GRIA1: variants seen among roughly 807,000 people sequenced by gnomAD.
GRIA1 encodes glutamate ionotropic receptor AMPA type subunit 1, also known as glutamate receptor 1.
GRIA1 carries 31 observed loss-of-function variants against 99.2 expected under a neutral mutation model. The ratio of observed to expected loss-of-function variants is 0.31; its 90% CI spans 0.23 to 0.42. The LOEUF (loss-of-function observed/expected upper bound fraction) is 0.42, where lower values mean the gene tolerates loss of function less well. GRIA1 is among the 10% of genes least tolerant of loss of function. The probability of loss-of-function intolerance (pLI) is 1.00; values close to 1 mark genes in which losing one functional copy is unlikely to be tolerated. For missense variants in GRIA1, 782 were observed against 1,157.5 expected (o/e 0.68, Z 4.71); for synonymous variants, 438 against 432.4 (o/e 1.01, Z -0.16).
intron 13 of GRIA1, among the ~76,000 whole-genome samples, chr5:153,782,411 G>A (rs781457326): frequency 1.1e-4 from 16 of 152,162 alleles, no homozygotes; most frequent in Non-Finnish European, 2.1e-4. Context: ...TTATCTAGAC[G>A]GGACAGTCTC....
chr5:153,753,880 A>T (rs13167714), intron 11 of GRIA1, among the ~76,000 whole-genome samples: 13,069 of 152,244 alleles, frequency 0.086, 777 homozygotes, highest in Non-Finnish European at 0.12. Flanking sequence ...GATAATCATC[A>T]TCATAAAAAG....
chr5:153,767,530 A>T (rs1209968217), intron 12 of GRIA1, among the ~76,000 whole-genome samples: 1 of 152,186 alleles, frequency 6.6e-6, no homozygotes, highest in African/African-American at 2.4e-5. Flanking sequence ...GATATGTCCC[A>T]TGCATAAGCC....
At chr5:153,640,236 A>C (rs1191314829) in intron 2 of GRIA1, among the ~76,000 whole-genome samples, 4 of 152,198 alleles carry the variant, frequency 2.6e-5, no homozygotes, top group Non-Finnish European at 5.9e-5. Context: ...CATGCTTAAT[A>C]ATAAATACAC....
In GRIA1 at chr5:153,689,566, T is replaced by G. The variant is rs191805623; in HGVS notation, c.1134+3237T>G. On this transcript the variant is annotated intron_variant, in intron 8 of 15. Transcript: ENST00000285900. ...GTCACTGGGTATATTGGGGTTATAC[T>G]GAAGGTGCAACAAGTAAGAATAGAA... Among the ~76,000 whole-genome samples, 4 of 152,312 alleles carry G rather than the reference T, an allele frequency of 2.6e-5. No individual in the cohort carries two copies. In the East Asian group the frequency reaches 7.7e-4, roughly 29 times the overall value.
At chr5:153,603,685 G>A (rs1298008003) in intron 2 of GRIA1, among the ~76,000 whole-genome samples, 1 of 152,134 alleles carries the variant, frequency 6.6e-6, no homozygotes, top group Non-Finnish European at 1.5e-5. Context: ...CTTATATTAG[G>A]AGTAGTGGCC....
chr5:153,693,095 TGGCTGAG>T (rs1317493385), intron 8 of GRIA1, among the ~76,000 whole-genome samples: 1 of 152,186 alleles, frequency 6.6e-6, no homozygotes. Flanking sequence ...ACCACTTTTT[TGGCTGAG>T]GGTTCTGGCT....
chr5:153,635,727 C>G (rs1441103365), intron 2 of GRIA1, among the ~76,000 whole-genome samples: 1 of 152,224 alleles, frequency 6.6e-6, no homozygotes, highest in Non-Finnish European at 1.5e-5. Context: ...TGAGTCCCCA[C>G]ACGTGGTAGA....
At chr5:153,746,250 G>C (rs759549677) in intron 11 of GRIA1, among the ~76,000 whole-genome samples, 13 of 152,126 alleles carry the variant, frequency 8.5e-5, no homozygotes, top group Non-Finnish European at 1.5e-4. Context: ...TCCGACTGCT[G>C]TTCTGCTAGC....
chr5:153,716,552 C>T (rs539689619), intron 11 of GRIA1, among the ~76,000 whole-genome samples: 9 of 152,156 alleles, frequency 5.9e-5, no homozygotes, highest in East Asian at 1.9e-4. Flanking sequence ...GGAGCAGAGG[C>T]GAGCACCCAG....
At chr5:153,668,774 C>T (rs182134159) in intron 5 of GRIA1, among the ~76,000 whole-genome samples, 29 of 152,294 alleles carry the variant, frequency 1.9e-4, no homozygotes, top group Middle Eastern at 3.4e-3. Flanking sequence ...AGGAACCTAG[C>T]GCAGTCCCAC....
chr5:153,545,668 A>T (rs1345190424), intron 2 of GRIA1, among the ~76,000 whole-genome samples: 3 of 152,154 alleles, frequency 2.0e-5, no homozygotes, highest in African/African-American at 7.2e-5. Context: ...AAACCCAGAT[A>T]GTAAATGTTT....
At chr5:153,670,480 A>G (rs115552092) in intron 5 of GRIA1, among the ~76,000 whole-genome samples, 2,158 of 152,224 alleles carry the variant, frequency 0.014, 45 homozygotes, top group African/African-American at 0.048. Context: ...ATATAGAGCA[A>G]TGGTCCCAGC....
Position 153,491,235 on chromosome 5 carries a change from C to A in GRIA1, c.82+265C>A, listed in dbSNP as rs530680159. 6 of 1,300,552 alleles carry A rather than the reference C, an allele frequency of 4.6e-6. No homozygotes were observed. The East Asian group carries it at 1.8e-4, about 39-fold the overall frequency. The allele number at this position is 1,300,552 out of a possible 1,614,324, so 80.6% of individuals were successfully genotyped here. ...AGAGCATGTGAAATGGAGGAACCAT[C>A]GCTTTGGAGGAAAAAAAAAATCAGG... is the stretch of plus-strand genomic sequence containing the variant. On this transcript the variant is annotated intron_variant, in intron 1 of 15. Coordinates refer to ENST00000285900, the MANE Select transcript of GRIA1 (RefSeq NM_000827.4).
intron 10 of GRIA1, 25 bp from the exon 11 acceptor site, chr5:153,705,672 T>TC: frequency 1.7e-6 from 2 of 1,160,242 alleles, no homozygotes; most frequent in Non-Finnish European, 2.1e-6. Flanking sequence ...ATTTTTTTTT[T>TC]TTTTTTTTTT....
intron 2 of GRIA1, among the ~76,000 whole-genome samples, chr5:153,561,727 T>C (rs1276434891): frequency 6.6e-6 from 1 of 152,180 alleles, no homozygotes; most frequent in Non-Finnish European, 1.5e-5. Flanking sequence ...AGGAGAATTG[T>C]ATTATTCTTA....
intron 2 of GRIA1, among the ~76,000 whole-genome samples, chr5:153,530,983 A>G (rs185676940): frequency 1.3e-5 from 2 of 152,322 alleles, no homozygotes; most frequent in Non-Finnish European, 2.9e-5. Flanking sequence ...AACTTCAGAT[A>G]ATAATAAAGG....
At chr5:153,778,650 A>ACC (rs1764430975) in intron 13 of GRIA1, among the ~76,000 whole-genome samples, 2 of 98,976 alleles carry the variant, frequency 2.0e-5, no homozygotes, top group African/African-American at 9.7e-5. Context: ...ATCACCCCCC[A>ACC]CCACACACAC....
At chr5:153,634,514 G>A (rs181781147) in intron 2 of GRIA1, among the ~76,000 whole-genome samples, 201 of 152,184 alleles carry the variant, frequency 1.3e-3, no homozygotes, top group Non-Finnish European at 2.2e-3. Context: ...AAAGGTAAGA[G>A]AAAGACCAGC....
At chr5:153,578,416 T>C (rs936351543) in intron 2 of GRIA1, among the ~76,000 whole-genome samples, 7 of 151,916 alleles carry the variant, frequency 4.6e-5, no homozygotes, top group African/African-American at 1.5e-4. Flanking sequence ...ATTTGAAAAA[T>C]GGAAGGACAA....
Sources: gnomAD v4.1 joint callset for allele counts (sites outside exome capture counted in the v4.1 genomes callset) on GRCh38, gnomAD v4.1.1 for gene constraint, MANE v1.5 for transcripts, NCBI Gene and HGNC (gene_info 2026-07-23, HGNC 2026-07-21) for gene names.